Variants in EYA1 observed in about 807,000 individuals in gnomAD.
EYA1 encodes the protein EYA transcriptional coactivator and phosphatase 1, also known as protein phosphatase EYA1.
Under a neutral mutation model 82.0 loss-of-function variants are expected in EYA1, and 16 were observed. The ratio of observed to expected loss-of-function variants is 0.20; its 90% CI spans 0.13 to 0.30. The LOEUF (loss-of-function observed/expected upper bound fraction) is 0.30. Ranked by LOEUF, EYA1 falls within the 10% of genes least tolerant of loss-of-function variation. The pLI is 1.00. For synonymous variants in EYA1, 261 were observed against 264.4 expected, an observed-to-expected ratio of 0.99 and a Z score of 0.12; for missense variants, 633 against 730.7, an observed-to-expected ratio of 0.87 and a Z score of 1.54.
At chr8:71,303,088 C>G (rs1449679988) in intron 7 of EYA1, among the ~76,000 whole-genome samples, 1 of 142,126 alleles carries the variant, frequency 7.0e-6, no homozygotes, top group African/African-American at 2.5e-5. Context: ...TAATGTTACT[C>G]CTTACAGCTC....
At chr8:71,477,353 C>T (rs1214587060) in intron 2 of EYA1, among the ~76,000 whole-genome samples, 5 of 152,038 alleles carry the variant, frequency 3.3e-5, no homozygotes, top group Admixed American at 2.6e-4. Context: ...GTGTAAAGAA[C>T]TCTCACAACT....
chr8:71,333,678 G>GA (rs1824150508), intron 4 of EYA1, among the ~76,000 whole-genome samples: 1 of 152,180 alleles, frequency 6.6e-6, no homozygotes, highest in Non-Finnish European at 1.5e-5. Flanking sequence ...TAGATCTATA[G>GA]TTGATATGAC....
intron 3 of EYA1, among the ~76,000 whole-genome samples, chr8:71,348,148 G>T (rs571505934): frequency 6.6e-6 from 1 of 152,010 alleles, no homozygotes; most frequent in African/African-American, 2.4e-5. Context: ...TATATTGTAC[G>T]CTTAGAGTGA....
At chr8:71,385,109 A>G (rs1015103823) in intron 2 of EYA1, among the ~76,000 whole-genome samples, 1 of 152,082 alleles carries the variant, frequency 6.6e-6, no homozygotes, top group Non-Finnish European at 1.5e-5. Flanking sequence ...TCCTGGGCTC[A>G]AGCAGTTCTC....
chr8:71,541,194 G>A (rs1489692222), intron 1 of EYA1, among the ~76,000 whole-genome samples: 1 of 152,174 alleles, frequency 6.6e-6, no homozygotes, highest in Non-Finnish European at 1.5e-5. Flanking sequence ...CAGTGAAAAG[G>A]GGTATATCCC....
chr8:71,384,437 A>G (rs1828869317), intron 2 of EYA1, among the ~76,000 whole-genome samples: 1 of 152,170 alleles, frequency 6.6e-6, no homozygotes, highest in African/African-American at 2.4e-5. Context: ...TTCTCTGACC[A>G]GTGCAGGCCA....
intron 2 of EYA1, among the ~76,000 whole-genome samples, chr8:71,517,113 T>C (rs140114310): frequency 2.4e-4 from 36 of 152,172 alleles, no homozygotes; most frequent in African/African-American, 7.9e-4. Flanking sequence ...TCTTTTTTTG[T>C]TTGCTCTTTT....
intron 12 of EYA1, among the ~76,000 whole-genome samples, chr8:71,219,171 T>C (rs1349314075): frequency 6.6e-6 from 1 of 152,220 alleles, no homozygotes; most frequent in East Asian, 1.9e-4. Flanking sequence ...GCCAGCTTCA[T>C]TTAAAACGTT....
intron 11 of EYA1, among the ~76,000 whole-genome samples, chr8:71,262,660 C>A (rs1815274698): frequency 1.3e-5 from 2 of 152,232 alleles, no homozygotes; most frequent in Admixed American, 6.5e-5. Flanking sequence ...TATTCATGAA[C>A]AAGAACAGTA....
At chr8:71,226,276 C>T (rs1219135808) in intron 12 of EYA1, among the ~76,000 whole-genome samples, 1 of 151,954 alleles carries the variant, frequency 6.6e-6, no homozygotes, top group Admixed American at 6.6e-5. Flanking sequence ...AAAAATAAGA[C>T]ATCATTATAT....
At chr8:71,308,755 C>G (rs1278829693) in intron 7 of EYA1, among the ~76,000 whole-genome samples, 2 of 145,446 alleles carry the variant, frequency 1.4e-5, no homozygotes, top group Non-Finnish European at 3.0e-5. Context: ...GGTCAAAGGT[C>G]TGCTTCACAG....
At chr8:71,286,828 A>G (rs926355792) in intron 9 of EYA1, among the ~76,000 whole-genome samples, 11 of 135,812 alleles carry the variant, frequency 8.1e-5, no homozygotes, top group Non-Finnish European at 1.5e-4. Flanking sequence ...TTTGAGACAG[A>G]GACTTACTCT....
chr8:71,385,617 T>G (rs1372400656), intron 2 of EYA1, among the ~76,000 whole-genome samples: 1 of 152,178 alleles, frequency 6.6e-6, no homozygotes, highest in African/African-American at 2.4e-5. Context: ...AATGTCCCTG[T>G]TCTACAGATG....
chr8:71,504,904 T>C (rs1363829779), intron 2 of EYA1, among the ~76,000 whole-genome samples: 1 of 152,132 alleles, frequency 6.6e-6, no homozygotes, highest in Non-Finnish European at 1.5e-5. Flanking sequence ...CGGGCTCAAG[T>C]GATTCTCCTG....
chr8:71,494,042 A>AAAAAAAAAAAAAAAAAAACCC (rs1811227865), intron 2 of EYA1, among the ~76,000 whole-genome samples: 1 of 149,448 alleles, frequency 6.7e-6, no homozygotes, highest in Non-Finnish European at 1.5e-5. Flanking sequence ...AAAAAAAAAA[A>AAAAAAAAAAAAAAAAAAACCC]AAAGAGGCTT....
At chr8:71,256,013 C>A (rs1409317330) in intron 11 of EYA1, among the ~76,000 whole-genome samples, 1 of 152,132 alleles carries the variant, frequency 6.6e-6, no homozygotes, top group African/African-American at 2.4e-5. Flanking sequence ...TATTATCTCA[C>A]AGCCATTAGA....
At chr8:71,393,485 C>T (rs1829399081) in intron 2 of EYA1, among the ~76,000 whole-genome samples, 1 of 152,078 alleles carries the variant, frequency 6.6e-6, no homozygotes, top group Non-Finnish European at 1.5e-5. Context: ...GTGATGTTCC[C>T]CACCCTGTGT....
At chr8:71,396,046 C>T (rs1829590417) in intron 2 of EYA1, among the ~76,000 whole-genome samples, 1 of 152,102 alleles carries the variant, frequency 6.6e-6, no homozygotes, top group South Asian at 2.1e-4. Context: ...AGGAATTTAT[C>T]CATTTCTTCT....
At chr8:71,232,914 A>G (rs1811367007) in intron 12 of EYA1, among the ~76,000 whole-genome samples, 1 of 152,190 alleles carries the variant, frequency 6.6e-6, no homozygotes, top group Non-Finnish European at 1.5e-5. Flanking sequence ...AGCCAGTGCT[A>G]GTTGTATGCA....
Sources: allele counts gnomAD v4.1 joint callset (sites outside exome capture counted in the v4.1 genomes callset), GRCh38; gene constraint gnomAD v4.1.1; transcripts MANE v1.5; gene names NCBI Gene and HGNC (gene_info 2026-07-23, HGNC 2026-07-21).